Variants in RCAN2 observed in about 807,000 individuals in gnomAD.
RCAN2 encodes the protein calcipressin-2.
In RCAN2, 9 loss-of-function variants were observed where a neutral mutation model predicts 23.6. The observed-to-expected ratio is 0.38, with a 90% confidence interval of 0.23 to 0.67. RCAN2 has a LOEUF of 0.67. RCAN2 is among the 30% of genes least tolerant of loss of function. RCAN2 has a pLI of 0.51. For missense variants in RCAN2, 273 were observed against 302.3 expected, an observed-to-expected ratio of 0.90 and a Z score of 0.72; for synonymous variants, 109 against 115.7, an observed-to-expected ratio of 0.94 and a Z score of 0.37.
intron 2 of RCAN2, among the ~76,000 whole-genome samples, chr6:46,351,306 A>T (rs1176763529): frequency 6.6e-6 from 1 of 152,190 alleles, no homozygotes; most frequent in Non-Finnish European, 1.5e-5. Flanking sequence ...CTTTTAGGCA[A>T]TTCTTTGTGA....
chr6:46,465,777 T>C (rs1014513917), intron 1 of RCAN2, among the ~76,000 whole-genome samples: 32 of 152,184 alleles, frequency 2.1e-4, no homozygotes, highest in African/African-American at 7.5e-4. Context: ...CAGGGCGCAG[T>C]GCAGAGGGAT....
intron 2 of RCAN2, among the ~76,000 whole-genome samples, chr6:46,258,756 G>A (rs1418127629): frequency 1.3e-5 from 2 of 151,950 alleles, no homozygotes; most frequent in Non-Finnish European, 2.9e-5. Flanking sequence ...TATATTTTTA[G>A]TTTTCTTTAG....
At chr6:46,314,574 C>A (rs561004976) in intron 2 of RCAN2, among the ~76,000 whole-genome samples, 3 of 151,402 alleles carry the variant, frequency 2.0e-5, no homozygotes, top group Non-Finnish European at 2.9e-5. Context: ...CTACCTATCT[C>A]CACTGTTTTA....
chr6:46,388,652 C>T (rs1442216575), intron 2 of RCAN2, among the ~76,000 whole-genome samples: 1 of 152,164 alleles, frequency 6.6e-6, no homozygotes, highest in Non-Finnish European at 1.5e-5. Context: ...TTTGCAGGGA[C>T]ATGGATGAAG....
intron 1 of RCAN2, among the ~76,000 whole-genome samples, chr6:46,461,188 T>C (rs1768194419): frequency 6.6e-6 from 1 of 152,182 alleles, no homozygotes; most frequent in Non-Finnish European, 1.5e-5. Flanking sequence ...CATGTAAAAT[T>C]TTTAAACAAA....
Position 46,389,277 on chromosome 6 carries a change from A to AT in RCAN2, c.225+67474dup, listed in dbSNP as rs1376252810. 3.3e-5 allele frequency among the ~76,000 whole-genome samples: 5 copies of AT among 152,038 alleles called. No individual in the cohort carries two copies. In the East Asian group the frequency reaches 7.7e-4, roughly 23 times the overall value. ...CTTTCTTTGCATTCTGATGATAGCA[A>AT]TTTTTTTGCAGCTACCTGCACTCAC... On this transcript the variant is annotated intron_variant, in intron 2 of 4. Coordinates refer to ENST00000371374, the MANE Select transcript of RCAN2 (RefSeq NM_001251974.2).
chr6:46,284,592 T>C (rs1762306929), intron 2 of RCAN2, among the ~76,000 whole-genome samples: 1 of 152,158 alleles, frequency 6.6e-6, no homozygotes, highest in South Asian at 2.1e-4. Context: ...GAAACTGACA[T>C]TTGCATCATG....
At chr6:46,226,428 T>C (rs550065473) in intron 4 of RCAN2, among the ~76,000 whole-genome samples, 1 of 152,364 alleles carries the variant, frequency 6.6e-6, no homozygotes, top group East Asian at 1.9e-4. Context: ...CATGGAATGT[T>C]CTTCCATTTG....
chr6:46,454,260 T>C (rs1021177728), intron 2 of RCAN2, among the ~76,000 whole-genome samples: 1 of 152,304 alleles, frequency 6.6e-6, no homozygotes, highest in East Asian at 1.9e-4. Context: ...TTAAAATAAG[T>C]GATTTTATCA....
chr6:46,466,822 C>T (rs550255891), intron 1 of RCAN2, among the ~76,000 whole-genome samples: 2 of 152,150 alleles, frequency 1.3e-5, no homozygotes, highest in Admixed American at 6.5e-5. Context: ...GCAGGAGCAG[C>T]GACAATCATT....
In RCAN2 at chr6:46,402,927, C is replaced by T. The variant is rs148939089; in HGVS notation, c.225+53825G>A. ...ACTTTCACAGTGCCAAGCCCTTGGC[C>T]CCTACAACACACATACTAGGTTGCT... On this transcript the variant is annotated intron_variant, in intron 2 of 4. Transcript: ENST00000371374. Among the ~76,000 whole-genome samples, 964 of 152,156 alleles carry T rather than the reference C, an allele frequency of 6.3e-3. 12 individuals are homozygous for T. The highest frequency in any genetic ancestry group is 0.023 in the African/African-American group (936 of 41,532).
intron 2 of RCAN2, among the ~76,000 whole-genome samples, chr6:46,276,412 T>C (rs1341596161): frequency 6.6e-6 from 1 of 152,148 alleles, no homozygotes; most frequent in Non-Finnish European, 1.5e-5. Flanking sequence ...ACAGCAACTG[T>C]GTCCAGGAGT....
Position 46,267,874 on chromosome 6 carries a change from T to C in RCAN2, c.226-18978A>G, listed in dbSNP as rs896500774. 2.6e-5 allele frequency among the ~76,000 whole-genome samples: 4 copies of C among 152,110 alleles called. No homozygotes were observed. The East Asian group carries it at 7.7e-4, about 29-fold the overall frequency. ...AAATCAGAAGATGTTATAATACCGA[T>C]ATCTAAATAAAATTTTAAGACTTCT... On this transcript the variant is annotated intron_variant, in intron 2 of 4. Coordinates refer to ENST00000371374, the MANE Select transcript of RCAN2 (RefSeq NM_001251974.2).
intron 2 of RCAN2, among the ~76,000 whole-genome samples, chr6:46,343,480 A>G (rs868280037): frequency 6.8e-6 from 1 of 147,872 alleles, no homozygotes; most frequent in Non-Finnish European, 1.5e-5. Flanking sequence ...GGTTCATGCC[A>G]TTCTCCTGCC....
chr6:46,253,157 T>C (rs1401791228), intron 2 of RCAN2, among the ~76,000 whole-genome samples: 3 of 152,238 alleles, frequency 2.0e-5, no homozygotes, highest in Non-Finnish European at 4.4e-5. Flanking sequence ...TATAGTTTGG[T>C]GCAAAAGTAA....
chr6:46,375,250 G>T (rs899087015), intron 2 of RCAN2, among the ~76,000 whole-genome samples: 4 of 152,286 alleles, frequency 2.6e-5, no homozygotes, highest in South Asian at 4.1e-4. Context: ...TGGGCAACTC[G>T]CAGTGTGAAG....
chr6:46,391,229 A>G (rs927027764), intron 2 of RCAN2, among the ~76,000 whole-genome samples: 3 of 152,238 alleles, frequency 2.0e-5, no homozygotes, highest in African/African-American at 7.2e-5. Context: ...GCCATAAAAA[A>G]GGATAAGTTC....
At chr6:46,250,913 G>T (rs138169824) in intron 2 of RCAN2, among the ~76,000 whole-genome samples, 3 of 152,202 alleles carry the variant, frequency 2.0e-5, no homozygotes, top group Non-Finnish European at 4.4e-5. Context: ...TGTTGGTGAT[G>T]ATTCCATACC....
chr6:46,286,050 G>C (rs1454460138), intron 2 of RCAN2, among the ~76,000 whole-genome samples: 2 of 152,180 alleles, frequency 1.3e-5, no homozygotes, highest in East Asian at 1.9e-4. Flanking sequence ...GTTGTAAACA[G>C]GTATTGTAAA....
Sources: gnomAD v4.1 joint callset for allele counts (sites outside exome capture counted in the v4.1 genomes callset) on GRCh38, gnomAD v4.1.1 for gene constraint, MANE v1.5 for transcripts, NCBI Gene and HGNC (gene_info 2026-07-23, HGNC 2026-07-21) for gene names.